ARHGAP31: variants seen among roughly 807,000 people sequenced by gnomAD.
ARHGAP31 encodes Rho GTPase activating protein 31.
A neutral mutation model predicts 113.9 loss-of-function variants in ARHGAP31; 34 were observed. The ratio of observed to expected loss-of-function variants is 0.30; its 90% CI spans 0.23 to 0.40. The LOEUF (loss-of-function observed/expected upper bound fraction) is 0.40. ARHGAP31 is among the 10% of genes least tolerant of loss of function. ARHGAP31 has a pLI of 1.00. For synonymous variants in ARHGAP31, 650 were observed against 684.8 expected, an observed-to-expected ratio of 0.95 and a Z score of 0.79; for missense variants, 1,548 against 1,767.1, an observed-to-expected ratio of 0.88 and a Z score of 2.22.
Position 119,414,188 on chromosome 3 carries a change from T to G in ARHGAP31, c.2259T>G (p.Ala753=). Residue 753 remains alanine, a synonymous_variant, in exon 12 of 12, where the codon GCT becomes GCG. Transcript: ENST00000264245. ...TGCACCCAGACCTCGCCAGCCTGGC[T>G]CCTCTGGAAATAGTTCCTTTTGAGA... ...QGLHPDLASL[A]PLEIVPFEKA... is the part of the protein sequence containing the mutation. 1 of 1,614,048 alleles carries G rather than the reference T, an allele frequency of 6.2e-7. No individual in the cohort carries two copies. The highest frequency in any genetic ancestry group is 8.5e-7 in the Non-Finnish European group (1 of 1,180,008).
chr3:119,416,395 A>G lies in ARHGAP31; in HGVS notation c.*131A>G. ...TGTGGCCTCTGACTTCTCTTTCTTC[A>G]GCCTTTTGACCACTTATTAATTAGT... On this transcript the variant is annotated 3_prime_UTR_variant, in exon 12 of 12. Coordinates refer to ENST00000264245, the MANE Select transcript of ARHGAP31 (RefSeq NM_020754.4). The G allele has an allele frequency of 6.8e-6, 9 of 1,331,124 alleles. No homozygotes were observed. The highest frequency in any genetic ancestry group is 5.0e-4 in the Middle Eastern group (2 of 3,998). The allele number at this position is 1,331,124 out of a possible 1,614,324, so 82.5% of individuals were successfully genotyped here. A position where few individuals can be genotyped will look rare whatever the true frequency, so the allele number is the denominator to read the frequency against.
chr3:119,305,792 T>C (rs1274355808), intron 1 of ARHGAP31, among the ~76,000 whole-genome samples: 1 of 152,200 alleles, frequency 6.6e-6, no homozygotes, highest in African/African-American at 2.4e-5. Flanking sequence ...AGCTCAGAGC[T>C]GAGGACAGAA....
At chr3:119,364,439 TATTA>T (rs1490671135) in intron 1 of ARHGAP31, among the ~76,000 whole-genome samples, 4 of 152,228 alleles carry the variant, frequency 2.6e-5, no homozygotes, top group Non-Finnish European at 5.9e-5. Context: ...TCTTCCAATG[TATTA>T]ATTATTTTTT....
intron 1 of ARHGAP31, among the ~76,000 whole-genome samples, chr3:119,333,393 C>T (rs971790645): frequency 6.6e-6 from 1 of 152,188 alleles, no homozygotes; most frequent in Admixed American, 6.5e-5. Context: ...TGTAAAGGAG[C>T]ATTTCTTTAG....
chr3:119,349,499 T>C (rs948395238), intron 1 of ARHGAP31, among the ~76,000 whole-genome samples: 2 of 152,122 alleles, frequency 1.3e-5, no homozygotes, highest in Non-Finnish European at 2.9e-5. Flanking sequence ...GCAGAAGGGG[T>C]GTTCTGAAGA....
intron 1 of ARHGAP31, among the ~76,000 whole-genome samples, chr3:119,362,055 C>A (rs191694567): frequency 1.3e-5 from 2 of 152,194 alleles, no homozygotes; most frequent in African/African-American, 2.4e-5. Flanking sequence ...ACCTTTGAGA[C>A]AAATGGAGCC....
chr3:119,390,372 C>T (rs928939724), intron 6 of ARHGAP31, among the ~76,000 whole-genome samples: 1 of 152,238 alleles, frequency 6.6e-6, no homozygotes, highest in Non-Finnish European at 1.5e-5. Flanking sequence ...CTGCCCTACT[C>T]TGGCAGTTAG....
chr3:119,350,288 G>A (rs1577007056), intron 1 of ARHGAP31, among the ~76,000 whole-genome samples: 6 of 152,146 alleles, frequency 3.9e-5, no homozygotes, highest in Admixed American at 3.9e-4. Context: ...AACAATGGCT[G>A]CCTGTGGCTC....
At chr3:119,343,256 G>C (rs1240966317) in intron 1 of ARHGAP31, among the ~76,000 whole-genome samples, 1 of 152,180 alleles carries the variant, frequency 6.6e-6, no homozygotes, top group African/African-American at 2.4e-5. Context: ...GTTAAGAGTG[G>C]GGTTGGGAGT....
Position 119,416,029 on chromosome 3 carries a change from C to T in ARHGAP31, c.4100C>T (p.Thr1367Ile). 6.2e-7 allele frequency: 1 copy of T among 1,614,218 alleles called. No homozygotes were observed. Among genetic ancestry groups the T allele is most frequent in the South Asian group, 1.1e-5 (1 of 91,082 alleles). The change falls in exon 12 of 12, where the codon ACA becomes ATA. Residue 1367 changes from threonine (T) to isoleucine (I), a missense_variant. Coordinates refer to ENST00000264245, the MANE Select transcript of ARHGAP31 (RefSeq NM_020754.4). Reference sequence around the variant, plus strand: ...CACCTGCCCCCTTCATCCACAGTGACAGATTCCAAGGTCCTGCTGTCCCCT... The same window carrying T: ...CACCTGCCCCCTTCATCCACAGTGATAGATTCCAAGGTCCTGCTGTCCCCT... ...MDHLPPSSTVTDSKVLLSPIR... is the reference protein window; with the variant it reads ...MDHLPPSSTVIDSKVLLSPIR...
At chr3:119,336,631 G>T (rs1396936739) in intron 1 of ARHGAP31, among the ~76,000 whole-genome samples, 2 of 152,034 alleles carry the variant, frequency 1.3e-5, no homozygotes, top group Non-Finnish European at 2.9e-5. Flanking sequence ...ATTTACTGCT[G>T]GTTTTATTTT....
intron 1 of ARHGAP31, among the ~76,000 whole-genome samples, chr3:119,307,806 A>G (rs1330386148): frequency 6.6e-6 from 1 of 152,020 alleles, no homozygotes; most frequent in Non-Finnish European, 1.5e-5. Flanking sequence ...TGATGGAACA[A>G]TGTAAGTCCT....
intron 1 of ARHGAP31, among the ~76,000 whole-genome samples, chr3:119,354,678 A>ATT (rs762067141): frequency 2.0e-3 from 259 of 127,226 alleles, no homozygotes; most frequent in Admixed American, 3.5e-3. Flanking sequence ...TGCCGGGCTA[A>ATT]TTTTTTTTTT....
intron 1 of ARHGAP31, among the ~76,000 whole-genome samples, chr3:119,332,604 TTCTCTCTC>T (rs34228523): frequency 6.1e-4 from 65 of 105,896 alleles, no homozygotes; most frequent in African/African-American, 1.1e-3. Context: ...CTCTCTCTCT[TTCTCTCTC>T]TCTCTCTCTC....
chr3:119,369,182 G>A (rs761890371), intron 3 of ARHGAP31, among the ~76,000 whole-genome samples: 2 of 152,206 alleles, frequency 1.3e-5, no homozygotes, highest in Non-Finnish European at 2.9e-5. Context: ...TGACTGTAGA[G>A]ATAGCGTGAA....
At position 119,307,940 on chromosome 3, in the gene ARHGAP31, CAAAAA is replaced by C. The variant is rs71156742; in HGVS notation, c.100+12952_100+12956del. ...AGTGAATCCAAGTATGAATTAACAG[CAAAAA>C]AAAAAAAAAAAAAAAGCTCAATCTT... On this transcript the variant is annotated intron_variant, in intron 1 of 11. Transcript: ENST00000264245. Among the ~76,000 whole-genome samples, 10 of 45,464 alleles carry C rather than the reference CAAAAA, an allele frequency of 2.2e-4. No homozygotes were observed. The South Asian group carries it at 4.5e-3, about 21-fold the overall frequency. 29.8% of individuals were successfully genotyped at this position (45,464 alleles called of 152,430 possible). A position where few individuals can be genotyped will look rare whatever the true frequency, so the allele number is the denominator to read the frequency against.
chr3:119,306,276 C>T (rs1002333400), intron 1 of ARHGAP31, among the ~76,000 whole-genome samples: 1 of 151,910 alleles, frequency 6.6e-6, no homozygotes, highest in Non-Finnish European at 1.5e-5. Flanking sequence ...CAAATGGGGC[C>T]GGGTGTGGTG....
intron 1 of ARHGAP31, among the ~76,000 whole-genome samples, chr3:119,340,028 C>T (rs1248304081): frequency 6.6e-6 from 1 of 152,174 alleles, no homozygotes; most frequent in Non-Finnish European, 1.5e-5. Context: ...GCACATCCAA[C>T]AAAGCACTAG....
rs534903896 is a variant in ARHGAP31, at chr3:119,327,258, G to A, written c.100+32254G>A. On this transcript the variant is annotated intron_variant, in intron 1 of 11. Coordinates refer to ENST00000264245, the MANE Select transcript of ARHGAP31 (RefSeq NM_020754.4). The stretch of plus-strand genomic sequence containing the variant: ...TTGACCACTCCATTTAAATTGCAAC[G>A]TCAGCCGGGCACAGTGGCTCACGCC... Among the ~76,000 whole-genome samples, 4 of 152,238 alleles carry A rather than the reference G, an allele frequency of 2.6e-5. No individual in the cohort carries two copies. In the East Asian group the frequency reaches 5.8e-4, roughly 22 times the overall value.
Sources: allele counts gnomAD v4.1 joint callset (sites outside exome capture counted in the v4.1 genomes callset), GRCh38; gene constraint gnomAD v4.1.1; transcripts MANE v1.5; gene names NCBI Gene and HGNC (gene_info 2026-07-23, HGNC 2026-07-21).